PRKG1: variants seen among roughly 807,000 people sequenced by gnomAD.
PRKG1 encodes protein kinase cGMP-dependent 1.
A neutral mutation model predicts 88.1 loss-of-function variants in PRKG1; 35 were observed. That is an observed-to-expected ratio of 0.40 (90% CI 0.30 to 0.53). The LOEUF (loss-of-function observed/expected upper bound fraction) is 0.53. Ranked by LOEUF, PRKG1 falls within the 20% of genes least tolerant of loss-of-function variation. PRKG1 has a pLI of 0.59. For synonymous variants in PRKG1, 303 were observed against 292.5 expected (o/e 1.04, Z -0.37); for missense variants, 540 against 839.8 (o/e 0.64, Z 4.41).
chr10:51,179,009 T>C (rs1589223433), intron 2 of PRKG1, among the ~76,000 whole-genome samples: 1 of 152,326 alleles, frequency 6.6e-6, no homozygotes, highest in East Asian at 1.9e-4. Context: ...ATGTAGTTTT[T>C]ATTATGTATG....
intron 2 of PRKG1, among the ~76,000 whole-genome samples, chr10:51,257,592 C>A (rs908260629): frequency 6.6e-6 from 1 of 152,174 alleles, no homozygotes; most frequent in Non-Finnish European, 1.5e-5. Flanking sequence ...TTCTAACTCT[C>A]AACTCTGCTT....
chr10:51,710,841 G>T (rs74132575), intron 3 of PRKG1, among the ~76,000 whole-genome samples: 2 of 152,110 alleles, frequency 1.3e-5, no homozygotes, highest in East Asian at 3.9e-4. Flanking sequence ...GTTTTGGGGG[G>T]GGCGGGAAAT....
chr10:51,771,441 T>G (rs769728752), intron 3 of PRKG1, among the ~76,000 whole-genome samples: 3 of 152,212 alleles, frequency 2.0e-5, no homozygotes, highest in Non-Finnish European at 4.4e-5. Context: ...AGTACTGGGA[T>G]GGACAGAGCA....
chr10:51,784,421 G>A (rs1311268037), intron 3 of PRKG1, among the ~76,000 whole-genome samples: 1 of 152,078 alleles, frequency 6.6e-6, no homozygotes, highest in Non-Finnish European at 1.5e-5. Context: ...TAAACCAGAA[G>A]CATACGTTGG....
At chr10:51,126,063 A>ATTATATAATTATATATAG (rs1845394905) in intron 1 of PRKG1, among the ~76,000 whole-genome samples, 2 of 121,578 alleles carry the variant, frequency 1.6e-5, no homozygotes, top group African/African-American at 6.7e-5. Context: ...ATTATATATA[A>ATTATATAATTATATATAG]TATACTACAT....
chr10:51,826,816 G>T (rs571763699), intron 4 of PRKG1, among the ~76,000 whole-genome samples: 1 of 150,044 alleles, frequency 6.7e-6, no homozygotes, highest in Non-Finnish European at 1.5e-5. Context: ...AATTATTTGG[G>T]AAGTAGCTTG....
chr10:51,032,231 C>T (rs1052764235), intron 1 of PRKG1, among the ~76,000 whole-genome samples: 2 of 152,130 alleles, frequency 1.3e-5, no homozygotes, highest in African/African-American at 4.8e-5. Flanking sequence ...GGATCTGTGA[C>T]TTGCAGCTCA....
At chr10:51,610,330 C>T (rs374909990) in intron 3 of PRKG1, among the ~76,000 whole-genome samples, 1 of 152,180 alleles carries the variant, frequency 6.6e-6, no homozygotes, top group Non-Finnish European at 1.5e-5. Context: ...TCATTCCACT[C>T]ACTACCTCCA....
At chr10:52,283,306 G>A (rs1564545165) in intron 14 of PRKG1, among the ~76,000 whole-genome samples, 1 of 152,016 alleles carries the variant, frequency 6.6e-6, no homozygotes, top group East Asian at 1.9e-4. Flanking sequence ...AGTAGGGCAA[G>A]GGCAATGGAA....
At chr10:51,548,810 G>C (rs1270396356) in intron 3 of PRKG1, among the ~76,000 whole-genome samples, 1 of 152,048 alleles carries the variant, frequency 6.6e-6, no homozygotes, top group Non-Finnish European at 1.5e-5. Context: ...CAGAGGCTCA[G>C]TCCTTTGATT....
intron 2 of PRKG1, among the ~76,000 whole-genome samples, chr10:51,348,921 A>T (rs1842174837): frequency 6.6e-6 from 1 of 152,038 alleles, no homozygotes; most frequent in South Asian, 2.1e-4. Flanking sequence ...CTAGGGAAAA[A>T]TCTACTCATT....
At chr10:51,124,574 C>G (rs529339632) in intron 1 of PRKG1, among the ~76,000 whole-genome samples, 17 of 152,224 alleles carry the variant, frequency 1.1e-4, no homozygotes, top group African/African-American at 3.9e-4. Context: ...AGGTTTTGTT[C>G]TAATTTGCTG....
rs532903749 is a variant in PRKG1, at chr10:51,704,250, CAGAT to C, written c.593-100313_593-100310del. Among the ~76,000 whole-genome samples the C allele has an allele frequency of 3.3e-3, 491 of 149,454 alleles. 3 individuals are homozygous for C. Among genetic ancestry groups the C allele is most frequent in the Middle Eastern group, 0.011 (3 of 280 alleles). On this transcript the variant is annotated intron_variant, in intron 3 of 17. Coordinates refer to ENST00000373980, the MANE Select transcript of PRKG1 (RefSeq NM_006258.4). ...GATGATAGATAGACAGACAGACAGA[CAGAT>C]AGATAGATAGATAGATAGATATTTT...
intron 1 of PRKG1, among the ~76,000 whole-genome samples, chr10:51,039,527 C>T (rs750577273): frequency 1.3e-5 from 2 of 151,908 alleles, no homozygotes; most frequent in South Asian, 4.1e-4. Context: ...TCTCCCATTC[C>T]TTGGGTTGTG....
intron 1 of PRKG1, among the ~76,000 whole-genome samples, chr10:51,095,404 T>C (rs1419516350): frequency 1.3e-5 from 2 of 152,108 alleles, no homozygotes; most frequent in Non-Finnish European, 2.9e-5. Context: ...AATGCACACT[T>C]AACTCAGGTT....
chr10:51,032,553 G>A (rs575386920), intron 1 of PRKG1, among the ~76,000 whole-genome samples: 5 of 152,258 alleles, frequency 3.3e-5, no homozygotes, highest in Admixed American at 1.3e-4. Flanking sequence ...AAAGTCAGGA[G>A]TTCGAGACCA....
intron 3 of PRKG1, among the ~76,000 whole-genome samples, chr10:51,472,049 C>A (rs574319205): frequency 1.3e-5 from 2 of 151,928 alleles, no homozygotes; most frequent in Admixed American, 1.3e-4. Flanking sequence ...AGAAATCTGA[C>A]AAATTGATGA....
intron 3 of PRKG1, among the ~76,000 whole-genome samples, chr10:51,633,264 T>A (rs1189321278): frequency 2.6e-5 from 4 of 152,136 alleles, no homozygotes; most frequent in Admixed American, 2.6e-4. Context: ...TTTTATTAAC[T>A]TCCTACTTTC....
chr10:51,053,253 T>A (rs115727329), intron 1 of PRKG1, among the ~76,000 whole-genome samples: 2 of 148,474 alleles, frequency 1.3e-5, no homozygotes, highest in African/African-American at 2.5e-5. Flanking sequence ...AAATAAAAAC[T>A]AAAAAAAAAA....
Sources: allele counts gnomAD v4.1 joint callset (sites outside exome capture counted in the v4.1 genomes callset), GRCh38; gene constraint gnomAD v4.1.1; transcripts MANE v1.5; gene names NCBI Gene and HGNC (gene_info 2026-07-23, HGNC 2026-07-21).